SPAG16: variants seen among roughly 807,000 people sequenced by gnomAD.
The protein encoded by SPAG16 is sperm-associated antigen 16 protein.
SPAG16 carries 86 observed loss-of-function variants against 80.4 expected under a neutral mutation model. The observed-to-expected ratio is 1.07, with a 90% confidence interval of 0.90 to 1.28. The LOEUF (loss-of-function observed/expected upper bound fraction) is 1.28. SPAG16 is among the 50% of genes most tolerant of loss of function. The pLI, the probability that SPAG16 is intolerant of heterozygous loss-of-function variation, is 0.00. For synonymous variants in SPAG16, 294 were observed against 265.9 expected, an observed-to-expected ratio of 1.11 and a Z score of -1.03; for missense variants, 870 against 765.3, an observed-to-expected ratio of 1.14 and a Z score of -1.61.
chr2:213,419,508 A>G (rs2069464566), intron 9 of SPAG16, among the ~76,000 whole-genome samples: 1 of 152,176 alleles, frequency 6.6e-6, no homozygotes, highest in Non-Finnish European at 1.5e-5. Flanking sequence ...TGAGATTTGT[A>G]GTACTCGTGT....
intron 1 of SPAG16, among the ~76,000 whole-genome samples, chr2:213,291,419 A>G (rs2062269139): frequency 6.6e-6 from 1 of 152,192 alleles, no homozygotes; most frequent in Non-Finnish European, 1.5e-5. Context: ...TTTTAAATAT[A>G]AATTATATTG....
intron 13 of SPAG16, among the ~76,000 whole-genome samples, chr2:214,078,674 A>G (rs1375201681): frequency 6.6e-6 from 1 of 152,146 alleles, no homozygotes; most frequent in Non-Finnish European, 1.5e-5. Flanking sequence ...CTATAAATAT[A>G]GTATATTTCT....
At chr2:214,397,611 C>G (rs1289675012) in intron 15 of SPAG16, among the ~76,000 whole-genome samples, 4 of 152,072 alleles carry the variant, frequency 2.6e-5, no homozygotes, top group Non-Finnish European at 5.9e-5. Context: ...GATCAAGGGA[C>G]CCCAAACATT....
chr2:213,725,038 T>A, intron 10 of SPAG16, among the ~76,000 whole-genome samples: 1 of 152,092 alleles, frequency 6.6e-6, no homozygotes, highest in East Asian at 1.9e-4. Flanking sequence ...CTGCTCCTTT[T>A]TTTTTTTCTT....
chr2:213,391,937 T>C (rs2067774908), intron 9 of SPAG16, among the ~76,000 whole-genome samples: 2 of 152,238 alleles, frequency 1.3e-5, no homozygotes, highest in Admixed American at 1.3e-4. Flanking sequence ...AATGTTTGCA[T>C]GTCCCCTGTT....
intron 9 of SPAG16, among the ~76,000 whole-genome samples, chr2:213,456,690 A>T (rs1228092078): frequency 6.6e-6 from 1 of 151,228 alleles, no homozygotes; most frequent in Non-Finnish European, 1.5e-5. Flanking sequence ...TCAATTTATC[A>T]GTCAAGGATC....
intron 10 of SPAG16, among the ~76,000 whole-genome samples, chr2:213,558,125 A>G (rs1392153940): frequency 6.6e-6 from 1 of 152,180 alleles, no homozygotes; most frequent in Non-Finnish European, 1.5e-5. Context: ...AGTTCCTTAT[A>G]AACATATTAG....
At chr2:213,926,344 C>G (rs530443617) in intron 11 of SPAG16, among the ~76,000 whole-genome samples, 2 of 152,078 alleles carry the variant, frequency 1.3e-5, no homozygotes, top group Non-Finnish European at 2.9e-5. Flanking sequence ...ATCACCCAAG[C>G]AGTATGCACT....
chr2:214,257,352 C>A (rs575099244), intron 15 of SPAG16, among the ~76,000 whole-genome samples: 1 of 151,908 alleles, frequency 6.6e-6, no homozygotes, highest in African/African-American at 2.4e-5. Flanking sequence ...TTTCTTTCCA[C>A]TTGTTGTGAC....
At chr2:213,634,834 T>C (rs1340184248) in intron 10 of SPAG16, among the ~76,000 whole-genome samples, 3 of 152,104 alleles carry the variant, frequency 2.0e-5, no homozygotes, top group East Asian at 1.9e-4. Context: ...CTCCCACTTA[T>C]AAGTGAGAAT....
chr2:213,776,544 C>T (rs1242527800), intron 10 of SPAG16, among the ~76,000 whole-genome samples: 1 of 152,102 alleles, frequency 6.6e-6, no homozygotes, highest in Non-Finnish European at 1.5e-5. Context: ...TTTGCTACAG[C>T]AGCAATAGAA....
intron 10 of SPAG16, among the ~76,000 whole-genome samples, chr2:213,649,106 T>C (rs2062931335): frequency 6.6e-6 from 1 of 152,218 alleles, no homozygotes; most frequent in Non-Finnish European, 1.5e-5. Context: ...CAGCTTTTCT[T>C]TCCATACTGA....
chr2:213,971,960 T>C (rs1167265739), intron 12 of SPAG16, among the ~76,000 whole-genome samples: 6 of 151,772 alleles, frequency 4.0e-5, no homozygotes, highest in Non-Finnish European at 7.4e-5. Flanking sequence ...AATTTTAGTT[T>C]TTGTGGGTGC....
chr2:213,608,135 G>A (rs1559304411), intron 10 of SPAG16, among the ~76,000 whole-genome samples: 1 of 151,862 alleles, frequency 6.6e-6, no homozygotes, highest in East Asian at 1.9e-4. Flanking sequence ...GCAGGGAGGT[G>A]GTGTTCACAA....
intron 10 of SPAG16, among the ~76,000 whole-genome samples, chr2:213,724,784 A>G (rs1185346945): frequency 3.0e-4 from 40 of 132,004 alleles, no homozygotes; most frequent in African/African-American, 1.1e-3. Flanking sequence ...CTCAAAAAAA[A>G]AAAAAAAAAA....
At chr2:214,062,418 C>CAAAAAAAAAAAAAAAAAAAAAAAA (rs56693089) in intron 13 of SPAG16, among the ~76,000 whole-genome samples, 1 of 55,372 alleles carries the variant, frequency 1.8e-5, no homozygotes, top group Non-Finnish European at 3.3e-5. Flanking sequence ...GACTCTGACT[C>CAAAAAAAAAAAAAAAAAAAAAAAA]AAAAAAAAAA....
intron 10 of SPAG16, among the ~76,000 whole-genome samples, chr2:213,698,185 T>C (rs1009491128): frequency 1.3e-5 from 2 of 152,194 alleles, no homozygotes; most frequent in African/African-American, 4.8e-5. Context: ...CTGACCGTTC[T>C]TCTTTATTCT....
chr2:214,276,780 C>A (rs895151200), intron 15 of SPAG16, among the ~76,000 whole-genome samples: 1 of 152,184 alleles, frequency 6.6e-6, no homozygotes, highest in South Asian at 2.1e-4. Context: ...TGGGGTTGCT[C>A]TTCTTGAGGA....
At chr2:213,549,614 G>A (rs16850456) in intron 10 of SPAG16, among the ~76,000 whole-genome samples, 12,020 of 152,184 alleles carry the variant, frequency 0.079, 1,166 homozygotes, top group African/African-American at 0.23. Flanking sequence ...CATTCTCCAT[G>A]TGGAAGCTAA....
Sources: allele counts gnomAD v4.1 joint callset (sites outside exome capture counted in the v4.1 genomes callset), GRCh38; gene constraint gnomAD v4.1.1; transcripts MANE v1.5; gene names NCBI Gene and HGNC (gene_info 2026-07-23, HGNC 2026-07-21).